CSMD1: variants seen among roughly 807,000 people sequenced by gnomAD.
CSMD1 encodes CUB and sushi domain-containing protein 1.
CSMD1 carries 213 observed loss-of-function variants against 417.5 expected under a neutral mutation model. That is an observed-to-expected ratio of 0.51 (90% CI 0.46 to 0.57). The LOEUF is 0.57. Among genes scored for constraint, CSMD1 ranks in the 20% least tolerant of loss-of-function variants. The pLI, the probability that CSMD1 is intolerant of heterozygous loss-of-function variation, is 0.00. For missense variants in CSMD1, 6,923 were observed against 4,529.7 expected (o/e 1.53, Z -15.17); for synonymous variants, 2,862 against 1,736.8 (o/e 1.65, Z -16.11).
At chr8:4,363,362 G>A (rs1232426296) in intron 3 of CSMD1, among the ~76,000 whole-genome samples, 21 of 152,142 alleles carry the variant, frequency 1.4e-4, no homozygotes, top group Admixed American at 1.4e-3. Context: ...GTATGTGTAT[G>A]CATGTGCGTG....
intron 5 of CSMD1, among the ~76,000 whole-genome samples, chr8:3,890,105 C>G (rs1246391367): frequency 6.6e-6 from 1 of 152,090 alleles, no homozygotes; most frequent in Non-Finnish European, 1.5e-5. Context: ...ATGAGATAAT[C>G]TGATAATATA....
intron 5 of CSMD1, among the ~76,000 whole-genome samples, chr8:3,968,956 A>G (rs1389022006): frequency 6.6e-6 from 1 of 152,188 alleles, no homozygotes; most frequent in Non-Finnish European, 1.5e-5. Flanking sequence ...CTTCTTTACT[A>G]AGACCTAATG....
intron 17 of CSMD1, among the ~76,000 whole-genome samples, chr8:3,392,402 T>A (rs34722343): frequency 6.6e-6 from 1 of 151,914 alleles, no homozygotes; most frequent in Non-Finnish European, 1.5e-5. Flanking sequence ...CTTCAGAACC[T>A]ATTTTGTCGA....
chr8:3,759,003 A>G (rs970580626), intron 5 of CSMD1, among the ~76,000 whole-genome samples: 3 of 152,222 alleles, frequency 2.0e-5, no homozygotes, highest in South Asian at 2.1e-4. Flanking sequence ...TGATACCTTT[A>G]TAACTGGAAA....
At chr8:3,469,786 C>A (rs1311112936) in intron 11 of CSMD1, among the ~76,000 whole-genome samples, 1 of 152,170 alleles carries the variant, frequency 6.6e-6, no homozygotes, top group African/African-American at 2.4e-5. Context: ...AGAAGAACAA[C>A]TGTCATTATA....
At chr8:4,314,697 T>G (rs994197840) in intron 3 of CSMD1, among the ~76,000 whole-genome samples, 10 of 152,224 alleles carry the variant, frequency 6.6e-5, no homozygotes, top group Non-Finnish European at 1.0e-4. Context: ...CTTTCAAGTT[T>G]TTATGTGTTC....
intron 1 of CSMD1, among the ~76,000 whole-genome samples, chr8:4,971,759 C>T (rs1443761909): frequency 6.6e-6 from 1 of 151,410 alleles, no homozygotes; most frequent in Non-Finnish European, 1.5e-5. Context: ...CTTTTATGTC[C>T]TAATTCCTCT....
intron 7 of CSMD1, among the ~76,000 whole-genome samples, chr8:3,643,866 T>G (rs1420602424): frequency 6.6e-6 from 1 of 152,170 alleles, no homozygotes; most frequent in East Asian, 1.9e-4. Flanking sequence ...CTTAATGAAT[T>G]AGTTAATACA....
chr8:4,512,091 C>T (rs1042313087), intron 2 of CSMD1, among the ~76,000 whole-genome samples: 2 of 152,078 alleles, frequency 1.3e-5, no homozygotes, highest in African/African-American at 4.8e-5. Flanking sequence ...AATTATATAC[C>T]ATGTTTCACT....
At chr8:4,788,191 C>T in intron 1 of CSMD1, 1 of 1,594,348 alleles carries the variant, frequency 6.3e-7, no homozygotes, top group South Asian at 1.1e-5. Context: ...TTTGGCATTC[C>T]ATGTGAACTT....
In CSMD1 at chr8:4,030,156, C is replaced by A. The variant is rs183834182; in HGVS notation, c.610+1749G>T. 1.1e-3 allele frequency among the ~76,000 whole-genome samples: 175 copies of A among 152,232 alleles called. 1 individual carries two copies. The highest frequency in any genetic ancestry group is 1.9e-3 in the Non-Finnish European group (130 of 68,018). On this transcript the variant is annotated intron_variant, in intron 4 of 69. Coordinates refer to ENST00000635120, the MANE Select transcript of CSMD1 (RefSeq NM_033225.6). ...ATGATGCAAGGTGTCAGTGGATCTA[C>A]CATTCTGGAGTCTGAAGGATGGTAG...
At position 3,558,533 on chromosome 8, in the gene CSMD1, G is replaced by T. The variant is rs73658189; in HGVS notation, c.1344+16412C>A. 3.4e-5 allele frequency among the ~76,000 whole-genome samples: 4 copies of T among 117,864 alleles called. No homozygotes were observed. The East Asian group carries it at 9.8e-4, about 29-fold the overall frequency. 77.3% of individuals were successfully genotyped at this position (117,864 alleles called of 152,430 possible). A position where few individuals can be genotyped will look rare whatever the true frequency, so the allele number is the denominator to read the frequency against. Reference sequence around the variant, plus strand: ...GGTACCCCATGTCGACTCCTCCAACGATGAACGGTGTCTCAATGGTACCCC... The same window carrying T: ...GGTACCCCATGTCGACTCCTCCAACTATGAACGGTGTCTCAATGGTACCCC... On this transcript the variant is annotated intron_variant, in intron 10 of 69. Coordinates refer to ENST00000635120, the MANE Select transcript of CSMD1 (RefSeq NM_033225.6).
intron 12 of CSMD1, among the ~76,000 whole-genome samples, chr8:3,420,671 A>C (rs924559619): frequency 2.0e-5 from 3 of 152,212 alleles, no homozygotes; most frequent in African/African-American, 7.2e-5. Flanking sequence ...TGTTCTGGTT[A>C]AAAATTAGTC....
At chr8:4,569,730 C>G (rs111613678) in intron 2 of CSMD1, among the ~76,000 whole-genome samples, 25 of 152,190 alleles carry the variant, frequency 1.6e-4, no homozygotes, top group African/African-American at 5.5e-4. Context: ...TTACTTTGGG[C>G]AGTATGGCCA....
At chr8:4,452,275 G>C (rs1216108622) in intron 2 of CSMD1, among the ~76,000 whole-genome samples, 2 of 152,146 alleles carry the variant, frequency 1.3e-5, no homozygotes, top group African/African-American at 4.8e-5. Context: ...TGTCAAAGGA[G>C]GATGACTTGT....
chr8:4,938,129 C>T (rs60350022), intron 1 of CSMD1, among the ~76,000 whole-genome samples: 35,170 of 151,944 alleles, frequency 0.23, 4,207 homozygotes, highest in East Asian at 0.38. Flanking sequence ...ATTAAAAATA[C>T]CCATTGGTGC....
At chr8:4,456,985 T>TTTTTAAA (rs71207092) in intron 2 of CSMD1, among the ~76,000 whole-genome samples, 2 of 138,808 alleles carry the variant, frequency 1.4e-5, no homozygotes, top group Non-Finnish European at 1.5e-5. Flanking sequence ...GGTTTTTTTT[T>TTTTTAAA]AAAAAAAAAA....
chr8:4,531,323 C>T (rs189853391), intron 2 of CSMD1, among the ~76,000 whole-genome samples: 3 of 152,276 alleles, frequency 2.0e-5, no homozygotes, highest in Admixed American at 1.3e-4. Context: ...GTATTCAGGT[C>T]ATTTAATCAT....
chr8:3,893,252 G>C (rs967285520), intron 5 of CSMD1, among the ~76,000 whole-genome samples: 1 of 146,850 alleles, frequency 6.8e-6, no homozygotes, highest in African/African-American at 2.5e-5. Context: ...TCTTATATTT[G>C]TAATATTTTA....
Sources: gnomAD v4.1 joint callset for allele counts (sites outside exome capture counted in the v4.1 genomes callset) on GRCh38, gnomAD v4.1.1 for gene constraint, MANE v1.5 for transcripts, NCBI Gene and HGNC (gene_info 2026-07-23, HGNC 2026-07-21) for gene names.